The following USP40 variants were observed in gnomAD, a reference collection of about 807,000 sequenced individuals.
USP40 encodes the protein ubiquitin specific peptidase 40.
In USP40, 143 loss-of-function variants were observed where a neutral mutation model predicts 166.2. The observed-to-expected ratio is 0.86, with a 90% confidence interval of 0.75 to 0.99. USP40 has a LOEUF of 0.99. USP40 is among the 50% of genes least tolerant of loss of function. USP40 has a pLI of 0.00. For missense variants in USP40, 1,444 were observed against 1,479.7 expected (o/e 0.98, Z 0.40); for synonymous variants, 498 against 524.0 (o/e 0.95, Z 0.68).
At chr2:233,558,104 A>G (rs1245475175) in intron 4 of USP40, among the ~76,000 whole-genome samples, 3 of 151,820 alleles carry the variant, frequency 2.0e-5, no homozygotes, top group African/African-American at 7.3e-5. Context: ...CAAGACCCTC[A>G]AGGATGTAAT....
intron 24 of USP40, among the ~76,000 whole-genome samples, chr2:233,494,979 T>TATATATATATAC (rs1197969295): frequency 1.3e-5 from 1 of 74,940 alleles, no homozygotes; most frequent in African/African-American, 6.4e-5. Flanking sequence ...TATATATATA[T>TATATATATATAC]ACACACACAT....
rs765570818 is a variant in USP40 at position 233,477,375 on chromosome 2, G to A, written c.*17C>T. ...AGCCGGAGAGTTCATCGGGAGTAGA[G>A]CCGTGCAGCGGCGCGGTTATCTGAA... On this transcript the variant is annotated 3_prime_UTR_variant, in exon 32 of 32. Transcript: ENST00000678225. 1.9e-6 allele frequency: 3 copies of A among 1,610,144 alleles called. No individual in the cohort carries two copies. Among genetic ancestry groups the A allele is most frequent in the South Asian group, 2.2e-5 (2 of 90,866 alleles).
rs1399743086 is a variant in USP40, at chr2:233,551,526, A to T, written c.694-7T>A. The T allele has an allele frequency of 6.3e-7, 1 of 1,579,066 alleles. No individual in the cohort carries two copies. The highest frequency in any genetic ancestry group is 8.6e-7 in the Non-Finnish European group (1 of 1,166,110). On this transcript the variant is annotated splice_polypyrimidine_tract_variant and splice_region_variant and intron_variant, in intron 6 of 31. Transcript: ENST00000678225. ...GCTTACGTAATTTGGCCGACTGTTA[A>T]AAGAAAAATTTACAAAGCTTTTTAA...
At chr2:233,506,410 T>C (rs2066419687) in intron 21 of USP40, among the ~76,000 whole-genome samples, 2 of 151,904 alleles carry the variant, frequency 1.3e-5, no homozygotes, top group South Asian at 2.1e-4. Flanking sequence ...AAGGAAAACA[T>C]AGGGGGAACA....
chr2:233,565,267 A>G, intron 2 of USP40, 89 bp downstream of exon 2: 1 of 991,536 alleles, frequency 1.0e-6, no homozygotes, highest in Middle Eastern at 2.1e-4. Context: ...TATCTTTAAG[A>G]TAATTGGTCT....
At chr2:233,565,270 ATTGGTCTAT>A in intron 2 of USP40, 77 bp downstream of exon 2, 1 of 1,001,544 alleles carries the variant, frequency 1.0e-6, no homozygotes, top group African/African-American at 1.6e-5. Flanking sequence ...CTTTAAGATA[ATTGGTCTAT>A]TTGTGATTTT....
intron 2 of USP40, among the ~76,000 whole-genome samples, chr2:233,563,837 C>A (rs2071884018): frequency 6.6e-6 from 1 of 152,170 alleles, no homozygotes; most frequent in Non-Finnish European, 1.5e-5. Context: ...GCAATCCCCT[C>A]TGCTGGAGAG....
intron 2 of USP40, 44 bp from the exon 3 acceptor site, chr2:233,562,847 AT>A: frequency 6.9e-7 from 1 of 1,445,002 alleles, no homozygotes. Context: ...ACATCATTTC[AT>A]TTTAAAAAAT....
chr2:233,551,321 T>C (rs969426174), intron 7 of USP40, 55 bp downstream of exon 7: 3 of 1,534,214 alleles, frequency 2.0e-6, no homozygotes, highest in Admixed American at 2.2e-5. Flanking sequence ...GGGTCAATAA[T>C]AGATTCAATC....
intron 12 of USP40, among the ~76,000 whole-genome samples, chr2:233,527,858 GATTAT>G (rs10550190): frequency 0.79 from 119,778 of 151,448 alleles, 47,435 homozygotes; most frequent in East Asian, 0.87. Context: ...CTAATTCTGA[GATTAT>G]ATTATAGTTA....
chr2:233,551,364 AAT>A lies in USP40; in HGVS notation c.837+10_837+11del. 6.4e-7 allele frequency: 1 copy of A among 1,571,912 alleles called. No individual in the cohort carries two copies. Among genetic ancestry groups the A allele is most frequent in the Admixed American group, 2.1e-5 (1 of 48,398 alleles). ...GGGAAAAGAAAGAATTTAAAAATAA[AAT>A]AGTTCAAACCTGTTCACAAAAGGGC... is the stretch of plus-strand genomic sequence containing the variant. On this transcript the variant is annotated intron_variant, in intron 7 of 31. Coordinates refer to ENST00000678225, the MANE Select transcript of USP40 (RefSeq NM_001365479.2).
chr2:233,523,374 T>C lies in USP40; in HGVS notation c.1997A>G (p.His666Arg), dbSNP rs891839364. The change falls in exon 16 of 32, where the codon CAT (histidine) becomes CGT (arginine). Residue 666 changes from histidine (H) to arginine (R), a missense_variant. By Grantham distance (29) the His-to-Arg change is conservative (BLOSUM62 0). Coordinates refer to ENST00000678225, the MANE Select transcript of USP40 (RefSeq NM_001365479.2). ...CACTTCTGCATTAGCTGGAAAGACA[T>C]GTGGAGATTCTATCACCTGACAACA... ...EKCCQVIESP[H>R]VFPANAEVGT... is the part of the protein sequence containing the mutation. 2 of 1,613,810 alleles carry C rather than the reference T, an allele frequency of 1.2e-6. No individual in the cohort carries two copies. The highest frequency in any genetic ancestry group is 1.3e-5 in the African/African-American group (1 of 74,922).
chr2:233,542,211 G>T, intron 9 of USP40, 57 bp downstream of exon 9: 2 of 979,828 alleles, frequency 2.0e-6, no homozygotes. Context: ...ATACACACAT[G>T]CACACATACA....
At chr2:233,490,261 T>G in intron 26 of USP40, among the ~76,000 whole-genome samples, 1 of 151,154 alleles carries the variant, frequency 6.6e-6, no homozygotes, top group Non-Finnish European at 1.5e-5. Flanking sequence ...TGTCCTGGGT[T>G]CAAGTGATTC....
intron 1 of USP40, among the ~76,000 whole-genome samples, chr2:233,566,254 C>G (rs1169875385): frequency 1.3e-5 from 2 of 152,116 alleles, no homozygotes; most frequent in East Asian, 3.9e-4. Context: ...CATCGTTAGC[C>G]CTGGGGGCCT....
intron 16 of USP40, 51 bp from the exon 17 acceptor site, chr2:233,521,165 C>T: frequency 1.3e-6 from 2 of 1,561,266 alleles, no homozygotes; most frequent in Non-Finnish European, 8.7e-7. Flanking sequence ...TTAGGCATCA[C>T]TTCCAAAACT....
intron 3 of USP40, among the ~76,000 whole-genome samples, chr2:233,562,074 G>C (rs2071683591): frequency 1.4e-5 from 2 of 140,216 alleles, no homozygotes; most frequent in Admixed American, 1.5e-4. Flanking sequence ...GAAACAACAG[G>C]TGCTGGAGAG....
Position 233,480,259 on chromosome 2 carries a change from G to C in USP40, c.3599+944C>G, listed in dbSNP as rs774094350. ...ATTAGGGTGAGCGGGGCCAGATCAG[G>C]CTCCTACAGTCATTTGGGCAGGGAA... On this transcript the variant is annotated intron_variant, in intron 31 of 31. Transcript: ENST00000678225. This position sits in a 1 kb window ranked among gnomAD's most constrained non-coding sequence, Gnocchi z 4.5. Among the ~76,000 whole-genome samples the C allele has an allele frequency of 6.6e-6, 1 of 152,164 alleles. No homozygotes were observed. The highest frequency in any genetic ancestry group is 2.1e-4 in the South Asian group (1 of 4,836).
Position 233,510,033 on chromosome 2 carries a change from AG to A in USP40, c.2613+15del, listed in dbSNP as rs750514841. 8.5e-5 allele frequency: 133 copies of A among 1,557,058 alleles called. 2 individuals carry two copies. The South Asian group carries it at 1.3e-3, about 15-fold the overall frequency. ...AACACACACAGCCTCTGAAAACAAA[AG>A]GTAAAATTACTTACATCTCTCACAG... is the stretch of plus-strand genomic sequence containing the variant. On this transcript the variant is annotated intron_variant, in intron 21 of 31. Transcript: ENST00000678225.
Sources: allele counts gnomAD v4.1 joint callset (sites outside exome capture counted in the v4.1 genomes callset), GRCh38; gene constraint gnomAD v4.1.1; non-coding constraint Gnocchi (gnomAD v3.1); transcripts MANE v1.5; gene names NCBI Gene and HGNC (gene_info 2026-07-23, HGNC 2026-07-21).